The following DOCK4 variants were observed in gnomAD, a reference collection of about 807,000 sequenced individuals.
DOCK4 encodes the protein dedicator of cytokinesis 4, also known as dedicator of cytokinesis protein 4.
In DOCK4, 97 loss-of-function variants were observed where a neutral mutation model predicts 268.1. The observed-to-expected ratio is 0.36, with a 90% CI of 0.31 to 0.43. The LOEUF (loss-of-function observed/expected upper bound fraction) is 0.43. DOCK4 is among the 20% of genes least tolerant of loss of function. The pLI is 1.00. For missense variants in DOCK4, 2,145 were observed against 2,455.7 expected (o/e 0.87, Z 2.67); for synonymous variants, 954 against 887.2 (o/e 1.08, Z -1.34).
At chr7:111,996,891 C>A (rs1800008489) in intron 4 of DOCK4, among the ~76,000 whole-genome samples, 1 of 152,238 alleles carries the variant, frequency 6.6e-6, no homozygotes, top group Non-Finnish European at 1.5e-5. Flanking sequence ...AGATGCTTGA[C>A]ATCATCTTTG....
At chr7:112,121,501 G>A (rs1397258894) in intron 1 of DOCK4, among the ~76,000 whole-genome samples, 1 of 152,004 alleles carries the variant, frequency 6.6e-6, no homozygotes, top group Admixed American at 6.6e-5. Context: ...ATGTTCTCTC[G>A]GTCACTGACC....
intron 1 of DOCK4, among the ~76,000 whole-genome samples, chr7:112,205,645 G>C (rs1449428156): frequency 6.6e-6 from 1 of 152,082 alleles, no homozygotes; most frequent in Admixed American, 6.6e-5. Flanking sequence ...TACTGTTTTG[G>C]GGGTGTTCTC....
chr7:112,132,201 G>A (rs73436671), intron 1 of DOCK4, among the ~76,000 whole-genome samples: 2,734 of 152,142 alleles, frequency 0.018, 87 homozygotes, highest in African/African-American at 0.061. Context: ...CTTTAGAGCC[G>A]GAGGACATTT....
chr7:111,871,934 T>G, intron 20 of DOCK4, 56 bp downstream of exon 20: 17 of 1,394,880 alleles, frequency 1.2e-5, no homozygotes, highest in Non-Finnish European at 1.5e-5. Flanking sequence ...CCTCTTCTGC[T>G]GAGAAAAGCT....
intron 37 of DOCK4, among the ~76,000 whole-genome samples, chr7:111,768,576 G>C (rs1286092624): frequency 1.3e-5 from 2 of 150,678 alleles, no homozygotes; most frequent in Non-Finnish European, 2.9e-5. Flanking sequence ...AACAATGGCG[G>C]TCAGATTCAT....
intron 16 of DOCK4, among the ~76,000 whole-genome samples, chr7:111,885,189 A>T (rs1807732549): frequency 6.6e-6 from 1 of 152,234 alleles, no homozygotes; most frequent in African/African-American, 2.4e-5. Context: ...AATGCCTAAA[A>T]ATCTGAGCAA....
At chr7:111,852,504 GAA>G (rs201775481) in intron 23 of DOCK4, among the ~76,000 whole-genome samples, 39 of 111,954 alleles carry the variant, frequency 3.5e-4, no homozygotes, top group Admixed American at 7.4e-4. Context: ...AAAAGAACCA[GAA>G]AAAAAAAAAA....
chr7:111,883,690 C>T (rs983281505), intron 16 of DOCK4, among the ~76,000 whole-genome samples: 7 of 152,058 alleles, frequency 4.6e-5, no homozygotes, highest in Non-Finnish European at 8.8e-5. Flanking sequence ...GAATAGAAGA[C>T]TTGGCTGCTT....
At chr7:112,189,652 C>A (rs945414425) in intron 1 of DOCK4, among the ~76,000 whole-genome samples, 1 of 151,882 alleles carries the variant, frequency 6.6e-6, no homozygotes, top group African/African-American at 2.4e-5. Context: ...AAAAATAATA[C>A]AGTCCTATCT....
intron 12 of DOCK4, among the ~76,000 whole-genome samples, chr7:111,934,523 G>GTTTTTTTTTT (rs1183672033): frequency 4.4e-4 from 37 of 83,836 alleles, no homozygotes; most frequent in Non-Finnish European, 5.8e-4. Context: ...TTTTGTTTTT[G>GTTTTTTTTTT]TTTTTTTTTT....
At chr7:111,913,860 C>T (rs1221264664) in intron 13 of DOCK4, among the ~76,000 whole-genome samples, 1 of 151,922 alleles carries the variant, frequency 6.6e-6, no homozygotes, top group African/African-American at 2.4e-5. Context: ...CCAACCTGGA[C>T]AACAGAGTGA....
At chr7:111,739,978 A>G in intron 47 of DOCK4, 1 of 304,600 alleles carries the variant, frequency 3.3e-6, no homozygotes, top group Non-Finnish European at 6.6e-6. Context: ...TGCTTGCAGG[A>G]GTTATACTGG....
At chr7:111,840,550 G>A (rs1248245112) in intron 25 of DOCK4, among the ~76,000 whole-genome samples, 1 of 151,866 alleles carries the variant, frequency 6.6e-6, no homozygotes, top group African/African-American at 2.4e-5. Context: ...TCTAGCTAGG[G>A]AAAGCATTTT....
At chr7:111,871,895 T>C in intron 20 of DOCK4, 95 bp downstream of exon 20, 2 of 975,760 alleles carry the variant, frequency 2.0e-6, no homozygotes, top group East Asian at 5.3e-5. Context: ...CATTTCTTCC[T>C]ACACTCCCTT....
At chr7:112,197,970 G>GAAAAAAAAAAAAAAAAAAA (rs10525534) in intron 1 of DOCK4, among the ~76,000 whole-genome samples, 2 of 111,090 alleles carry the variant, frequency 1.8e-5, no homozygotes, top group African/African-American at 7.2e-5. Context: ...GACCTGCCTA[G>GAAAAAAAAAAAAAAAAAAA]AAAAAAAAAA....
At chr7:111,763,861 A>AT (rs1302497112) in intron 39 of DOCK4, among the ~76,000 whole-genome samples, 2 of 152,150 alleles carry the variant, frequency 1.3e-5, no homozygotes, top group Admixed American at 1.3e-4. Context: ...TGACTTTGCC[A>AT]TTTTTTAATT....
intron 1 of DOCK4, among the ~76,000 whole-genome samples, chr7:112,088,149 T>C (rs1297209827): frequency 2.0e-5 from 3 of 152,050 alleles, no homozygotes; most frequent in Non-Finnish European, 4.4e-5. Context: ...GGCAAAAGCA[T>C]AGAAGCATAA....
At chr7:111,957,858 T>C (rs893351444) in intron 8 of DOCK4, among the ~76,000 whole-genome samples, 4 of 152,208 alleles carry the variant, frequency 2.6e-5, no homozygotes, top group South Asian at 2.1e-4. Flanking sequence ...TCTATTTAAT[T>C]TGTAGTCCAA....
intron 1 of DOCK4, among the ~76,000 whole-genome samples, chr7:112,132,111 A>G (rs1813863593): frequency 6.6e-6 from 1 of 152,186 alleles, no homozygotes; most frequent in African/African-American, 2.4e-5. Context: ...CCCTTAGACC[A>G]TTAGGAAAAC....
Sources: allele counts gnomAD v4.1 joint callset (sites outside exome capture counted in the v4.1 genomes callset), GRCh38; gene constraint gnomAD v4.1.1; transcripts MANE v1.5; gene names NCBI Gene and HGNC (gene_info 2026-07-23, HGNC 2026-07-21).